Variants in DSCAM observed in about 807,000 individuals in gnomAD.
DSCAM encodes the protein cell adhesion molecule DSCAM.
In DSCAM, 47 loss-of-function variants were observed where a neutral mutation model predicts 217.7. The ratio of observed to expected loss-of-function variants is 0.22; its 90% confidence interval spans 0.17 to 0.28. The LOEUF is 0.28. Ranked by LOEUF, DSCAM falls within the 10% of genes least tolerant of loss-of-function variation. The pLI, the probability that DSCAM is intolerant of heterozygous loss-of-function variation, is 1.00. For synonymous variants in DSCAM, 1,056 were observed against 1,015.3 expected (o/e 1.04, Z -0.76); for missense variants, 2,080 against 2,618.3 (o/e 0.79, Z 4.49).
chr21:40,098,621 G>A (rs774203132), intron 20 of DSCAM, among the ~76,000 whole-genome samples: 6 of 152,192 alleles, frequency 3.9e-5, no homozygotes, highest in Non-Finnish European at 7.3e-5. Flanking sequence ...GCCTCAGCAG[G>A]CTGCATAAGT....
intron 32 of DSCAM, among the ~76,000 whole-genome samples, chr21:40,020,514 GGTGTGTGT>G (rs368437369): frequency 6.7e-6 from 1 of 150,096 alleles, no homozygotes; most frequent in East Asian, 2.2e-4. Context: ...AGAAAAGTGT[GGTGTGTGT>G]GTGTGTGTGA....
chr21:40,091,359 G>A lies in DSCAM; in HGVS notation c.3850+2362C>T, dbSNP rs112926914. 2.4e-3 allele frequency among the ~76,000 whole-genome samples: 368 copies of A among 152,134 alleles called. 1 individual carries two copies. Among genetic ancestry groups the A allele is most frequent in the African/African-American group, 7.8e-3 (324 of 41,520 alleles). On this transcript the variant is annotated intron_variant, in intron 21 of 32. Coordinates refer to ENST00000400454, the MANE Select transcript of DSCAM (RefSeq NM_001389.5). ...TCAGGTCCCTGTCTTCCTTCCCAGC[G>A]TCTCTGGGACCACTGTTCCTTCCCC...
intron 2 of DSCAM, among the ~76,000 whole-genome samples, chr21:40,704,466 A>G (rs1356804816): frequency 3.3e-5 from 5 of 152,172 alleles, no homozygotes; most frequent in Non-Finnish European, 2.9e-5. Flanking sequence ...TGTAATCCCA[A>G]CACTTTGGGA....
At chr21:40,810,964 A>C (rs990117880) in intron 1 of DSCAM, among the ~76,000 whole-genome samples, 4 of 152,206 alleles carry the variant, frequency 2.6e-5, no homozygotes, top group Non-Finnish European at 5.9e-5. Context: ...GTATGTTTGC[A>C]ATGAGAGGCT....
At chr21:40,657,658 A>G (rs2090090691) in intron 3 of DSCAM, among the ~76,000 whole-genome samples, 1 of 152,210 alleles carries the variant, frequency 6.6e-6, no homozygotes, top group African/African-American at 2.4e-5. Flanking sequence ...GAAATCTTCC[A>G]CAACGCGGCA....
chr21:40,121,707 T>TTTTTTTTA, intron 20 of DSCAM, among the ~76,000 whole-genome samples: 2 of 113,048 alleles, frequency 1.8e-5, no homozygotes, highest in Non-Finnish European at 3.7e-5. Flanking sequence ...TTTTTTTTTT[T>TTTTTTTTA]GAGACAGAGT....
chr21:40,364,535 G>T (rs907808636), intron 4 of DSCAM, among the ~76,000 whole-genome samples: 4 of 145,498 alleles, frequency 2.7e-5, no homozygotes, highest in African/African-American at 1.0e-4. Flanking sequence ...TTGTGGGATG[G>T]GGGGAGGGGG....
intron 11 of DSCAM, among the ~76,000 whole-genome samples, chr21:40,260,450 T>A (rs1455470673): frequency 6.6e-6 from 1 of 152,220 alleles, no homozygotes; most frequent in African/African-American, 2.4e-5. Context: ...ACACTTGCCA[T>A]GACCTGCCAT....
intron 1 of DSCAM, among the ~76,000 whole-genome samples, chr21:40,829,769 T>A (rs1471198797): frequency 6.6e-6 from 1 of 152,112 alleles, no homozygotes; most frequent in Non-Finnish European, 1.5e-5. Context: ...ATGCTGCACG[T>A]TGGGAAGTGG....
intron 3 of DSCAM, among the ~76,000 whole-genome samples, chr21:40,428,671 C>T (rs1321279656): frequency 6.6e-6 from 1 of 152,124 alleles, no homozygotes; most frequent in East Asian, 1.9e-4. Context: ...TATCTCCAAA[C>T]AGGATATGCA....
At chr21:40,421,963 G>C (rs1426620699) in intron 3 of DSCAM, among the ~76,000 whole-genome samples, 1 of 152,204 alleles carries the variant, frequency 6.6e-6, no homozygotes, top group Non-Finnish European at 1.5e-5. Flanking sequence ...GAGGCTCTGA[G>C]CATGTAATGC....
At chr21:40,190,984 C>A (rs2410219) in intron 11 of DSCAM, among the ~76,000 whole-genome samples, 8,659 of 152,222 alleles carry the variant, frequency 0.057, 783 homozygotes, top group African/African-American at 0.19. Flanking sequence ...AACATAACAA[C>A]CTTTTTATTT....
intron 3 of DSCAM, among the ~76,000 whole-genome samples, chr21:40,491,052 C>A (rs551268186): frequency 3.3e-5 from 5 of 152,226 alleles, no homozygotes; most frequent in South Asian, 2.1e-4. Flanking sequence ...TCTCTGCCCC[C>A]GTGTTTTAAG....
Position 40,833,050 on chromosome 21 carries a change from C to T in DSCAM, c.43+13569G>A, listed in dbSNP as rs537253457. 7.9e-5 allele frequency among the ~76,000 whole-genome samples: 12 copies of T among 152,156 alleles called. No individual in the cohort carries two copies. In the South Asian group the frequency reaches 1.7e-3, roughly 21 times the overall value. On this transcript the variant is annotated intron_variant, in intron 1 of 32. Coordinates refer to ENST00000400454, the MANE Select transcript of DSCAM (RefSeq NM_001389.5). ...AAGGAAATATAAACCTAAAATAAAC[C>T]GAGAACACCCCTCCCGGGGCCATCA...
intron 20 of DSCAM, among the ~76,000 whole-genome samples, chr21:40,099,365 A>G (rs2089721924): frequency 6.6e-6 from 1 of 152,244 alleles, no homozygotes; most frequent in Admixed American, 6.5e-5. Context: ...AGGTATATTC[A>G]TAGAAACTTC....
rs548087150 is a variant in DSCAM at position 40,706,675 on chromosome 21, T to C, written c.361+1779A>G. Among the ~76,000 whole-genome samples the C allele has an allele frequency of 1.2e-4, 18 of 152,326 alleles. No individual in the cohort carries two copies. In the South Asian group the frequency reaches 3.1e-3, roughly 26 times the overall value. On this transcript the variant is annotated intron_variant, in intron 2 of 32. Transcript: ENST00000400454. ...TTCAGCTGTCAAAGGGTAGCATTTA[T>C]GCCCTTCATCTGTCTTTTTGAACAA... is the stretch of plus-strand genomic sequence containing the variant.
intron 9 of DSCAM, among the ~76,000 whole-genome samples, chr21:40,308,897 C>T (rs545072947): frequency 6.6e-6 from 1 of 152,296 alleles, no homozygotes; most frequent in South Asian, 2.1e-4. Flanking sequence ...TCTGTTGGTG[C>T]TACCTACTGG....
chr21:40,782,708 C>T (rs191512838), intron 1 of DSCAM, among the ~76,000 whole-genome samples: 108 of 152,096 alleles, frequency 7.1e-4, no homozygotes, highest in Non-Finnish European at 1.4e-3. Context: ...CCAGCCTGGT[C>T]CATAGAGTGA....
chr21:40,453,038 CTTTGTGTGTGTGTGTG>C (rs1231956107), intron 3 of DSCAM, among the ~76,000 whole-genome samples: 3 of 96,192 alleles, frequency 3.1e-5, no homozygotes, highest in African/African-American at 1.2e-4. Flanking sequence ...ATTTTAAAGA[CTTTGTGTGTGTGTGTG>C]TGTGTGTGTG....
Sources: allele counts gnomAD v4.1 joint callset (sites outside exome capture counted in the v4.1 genomes callset), GRCh38; gene constraint gnomAD v4.1.1; transcripts MANE v1.5; gene names NCBI Gene and HGNC (gene_info 2026-07-23, HGNC 2026-07-21).